Variants in GPC6 observed in about 807,000 individuals in gnomAD.
The protein encoded by GPC6 is glypican-6.
Under a neutral mutation model 55.2 loss-of-function variants are expected in GPC6, and 14 were observed. The ratio of observed to expected loss-of-function variants is 0.25; its 90% CI spans 0.17 to 0.40. GPC6 has a LOEUF of 0.40. Ranked by LOEUF, GPC6 falls within the 10% of genes least tolerant of loss-of-function variation. The probability of loss-of-function intolerance (pLI) is 1.00; values close to 1 mark genes in which losing one functional copy is unlikely to be tolerated. For synonymous variants in GPC6, 278 were observed against 259.6 expected (o/e 1.07, Z -0.68); for missense variants, 641 against 708.5 (o/e 0.90, Z 1.08).
At position 94,402,894 on chromosome 13, in the gene GPC6, A is replaced by G. The variant is rs144901104; in HGVS notation, c.1466-121A>G. ...ACCACCATGATTGAATTACCTCCAC[A>G]TGGCCTCTCCCCTGACAGGTGGGGA... On this transcript the variant is annotated intron_variant, in intron 8 of 8. Coordinates refer to ENST00000377047, the MANE Select transcript of GPC6 (RefSeq NM_005708.5). 310 of 819,898 alleles carry G rather than the reference A, an allele frequency of 3.8e-4. 4 individuals are homozygous for G. In the East Asian group the frequency reaches 7.4e-3, roughly 20 times the overall value. The allele number at this position is 819,898 out of a possible 1,614,324, so 50.8% of individuals were successfully genotyped here.
At chr13:94,012,256 A>AT (rs112036905) in intron 3 of GPC6, among the ~76,000 whole-genome samples, 11 of 151,762 alleles carry the variant, frequency 7.2e-5, no homozygotes, top group African/African-American at 2.4e-5. Flanking sequence ...TATTTCTCTT[A>AT]TTTTTTTTCT....
At chr13:93,579,006 A>G (rs1340844233) in intron 2 of GPC6, among the ~76,000 whole-genome samples, 1 of 152,144 alleles carries the variant, frequency 6.6e-6, no homozygotes, top group Non-Finnish European at 1.5e-5. Context: ...CAAACACAGA[A>G]CATATTATAT....
chr13:93,985,825 A>G (rs1025464226), intron 3 of GPC6, among the ~76,000 whole-genome samples: 2 of 151,878 alleles, frequency 1.3e-5, no homozygotes, highest in African/African-American at 4.8e-5. Context: ...CTATAGAAAT[A>G]TGGTCTCTAT....
intron 4 of GPC6, among the ~76,000 whole-genome samples, chr13:94,168,003 A>G (rs1160930543): frequency 6.6e-6 from 1 of 152,226 alleles, no homozygotes; most frequent in South Asian, 2.1e-4. Flanking sequence ...TAAAATGCTT[A>G]TATAATATTT....
At chr13:93,247,218 A>T (rs1270687501) in intron 1 of GPC6, among the ~76,000 whole-genome samples, 4 of 152,178 alleles carry the variant, frequency 2.6e-5, no homozygotes, top group African/African-American at 7.2e-5. Context: ...TTAGATACCT[A>T]CAAGCTATAT....
At chr13:93,877,566 C>T (rs1874663620) in intron 3 of GPC6, among the ~76,000 whole-genome samples, 1 of 152,000 alleles carries the variant, frequency 6.6e-6, no homozygotes, top group South Asian at 2.1e-4. Flanking sequence ...TGTCTTGTAG[C>T]TTCATAAGTT....
intron 1 of GPC6, among the ~76,000 whole-genome samples, chr13:93,420,386 C>T (rs149520914): frequency 6.6e-6 from 1 of 152,022 alleles, no homozygotes. Flanking sequence ...AAGGAGGTGT[C>T]CATGCTGAGT....
At chr13:94,352,733 A>G (rs1482393851) in intron 6 of GPC6, among the ~76,000 whole-genome samples, 2 of 152,130 alleles carry the variant, frequency 1.3e-5, no homozygotes, top group Non-Finnish European at 2.9e-5. Context: ...TTATTGAACT[A>G]TCCTTAATTA....
intron 3 of GPC6, among the ~76,000 whole-genome samples, chr13:93,841,222 T>G (rs549456397): frequency 6.6e-6 from 1 of 152,312 alleles, no homozygotes; most frequent in East Asian, 1.9e-4. Context: ...AAAAATAATT[T>G]TAATAAAGCT....
chr13:93,674,350 C>A (rs1418050023), intron 2 of GPC6, among the ~76,000 whole-genome samples: 1 of 152,144 alleles, frequency 6.6e-6, no homozygotes, highest in Non-Finnish European at 1.5e-5. Context: ...TAGCTTGGTT[C>A]CCATCAACTT....
chr13:94,164,613 A>G (rs1315106555), intron 4 of GPC6, among the ~76,000 whole-genome samples: 1 of 152,220 alleles, frequency 6.6e-6, no homozygotes, highest in African/African-American at 2.4e-5. Flanking sequence ...TTAGTGCAAA[A>G]TAAATCTTAC....
At chr13:94,002,830 A>T (rs529602562) in intron 3 of GPC6, among the ~76,000 whole-genome samples, 1 of 152,166 alleles carries the variant, frequency 6.6e-6, no homozygotes, top group Non-Finnish European at 1.5e-5. Flanking sequence ...AGTTATCTCA[A>T]TTGAGTTGAA....
At chr13:93,677,736 T>A (rs1206112922) in intron 2 of GPC6, among the ~76,000 whole-genome samples, 2 of 152,108 alleles carry the variant, frequency 1.3e-5, no homozygotes, top group Non-Finnish European at 1.5e-5. Context: ...AAAACAGAGA[T>A]AAGGGTAAAA....
At chr13:93,745,567 T>G (rs1288253000) in intron 2 of GPC6, among the ~76,000 whole-genome samples, 1 of 152,204 alleles carries the variant, frequency 6.6e-6, no homozygotes, top group African/African-American at 2.4e-5. Context: ...AACTACTTTT[T>G]GGCTTTACAA....
intron 1 of GPC6, among the ~76,000 whole-genome samples, chr13:93,278,553 G>A (rs1162152399): frequency 6.6e-6 from 1 of 151,956 alleles, no homozygotes; most frequent in Non-Finnish European, 1.5e-5. Flanking sequence ...TTTTATTTGT[G>A]TTTATCATTG....
chr13:93,428,939 T>C (rs976013742), intron 1 of GPC6, among the ~76,000 whole-genome samples: 105 of 152,144 alleles, frequency 6.9e-4, no homozygotes, highest in African/African-American at 2.5e-3. Flanking sequence ...AATCACACTA[T>C]TGGTTGCTGG....
In GPC6 at chr13:93,270,788, CAG is replaced by C. The variant is rs755364940; in HGVS notation, c.160+43175_160+43176del. On this transcript the variant is annotated intron_variant, in intron 1 of 8. Transcript: ENST00000377047. ...GTGATATGTAAACTTTTGAGCTTTA[CAG>C]AGTCAACAACAACACTGCCTCTCCT... Among the ~76,000 whole-genome samples the C allele has an allele frequency of 6.0e-5, 9 of 149,616 alleles. No homozygotes were observed. The East Asian group carries it at 1.8e-3, about 30-fold the overall frequency.
At chr13:93,519,625 A>T (rs1368753639) in intron 1 of GPC6, among the ~76,000 whole-genome samples, 1 of 151,990 alleles carries the variant, frequency 6.6e-6, no homozygotes, top group Non-Finnish European at 1.5e-5. Context: ...ACATCTTAGC[A>T]TCACAGTCAA....
At chr13:93,403,060 G>A (rs753004371) in intron 1 of GPC6, among the ~76,000 whole-genome samples, 1 of 152,098 alleles carries the variant, frequency 6.6e-6, no homozygotes, top group Non-Finnish European at 1.5e-5. Flanking sequence ...CATTCTCAAT[G>A]TCAATAAAAA....
Sources: gnomAD v4.1 joint callset for allele counts (sites outside exome capture counted in the v4.1 genomes callset) on GRCh38, gnomAD v4.1.1 for gene constraint, MANE v1.5 for transcripts, NCBI Gene and HGNC (gene_info 2026-07-23, HGNC 2026-07-21) for gene names.